The following NAA15 variants were observed in gnomAD, a reference collection of about 807,000 sequenced individuals.
NAA15 encodes the protein N-alpha-acetyltransferase 15, NatA auxiliary subunit, also known as N-terminal acetyltransferase.
A neutral mutation model predicts 114.0 loss-of-function variants in NAA15; 34 were observed. The ratio of observed to expected loss-of-function variants is 0.30; its 90% CI spans 0.23 to 0.40. The LOEUF is 0.40. NAA15 is among the 10% of genes least tolerant of loss of function. The pLI is 1.00. For synonymous variants in NAA15, 340 were observed against 338.0 expected, an observed-to-expected ratio of 1.01 and a Z score of -0.06; for missense variants, 658 against 1,004.5, an observed-to-expected ratio of 0.66 and a Z score of 4.66.
intron 17 of NAA15, among the ~76,000 whole-genome samples, chr4:139,380,120 A>G (rs192671092): frequency 3.9e-5 from 6 of 152,360 alleles, no homozygotes; most frequent in African/African-American, 1.2e-4. Flanking sequence ...TCCAAAAACT[A>G]ATTTGTGTTA....
chr4:139,386,987 A>G (rs987428131), intron 19 of NAA15, among the ~76,000 whole-genome samples: 3 of 152,352 alleles, frequency 2.0e-5, no homozygotes, highest in Non-Finnish European at 4.4e-5. Flanking sequence ...ATAATTTGCC[A>G]GATAAACATG....
chr4:139,342,479 G>GTTTTTTTTTTT (rs11402847), intron 4 of NAA15, among the ~76,000 whole-genome samples: 1 of 125,550 alleles, frequency 8.0e-6, no homozygotes. Flanking sequence ...ATTAATGTGT[G>GTTTTTTTTTTT]TTTTTTTTTT....
At chr4:139,354,842 A>G (rs1747892484) in intron 10 of NAA15, among the ~76,000 whole-genome samples, 1 of 152,196 alleles carries the variant, frequency 6.6e-6, no homozygotes. Flanking sequence ...GACTTAACCT[A>G]AAACATAACC....
rs115336716 is a variant in NAA15, at chr4:139,371,401, A to G, written c.1947+997A>G. On this transcript the variant is annotated intron_variant, in intron 15 of 19. Transcript: ENST00000296543. ...ATCTAGGAGTTCAAGGCTGCAGTAC[A>G]CTGTGAGCTATGATCATGCCTGTGA... Among the ~76,000 whole-genome samples, 950 of 151,336 alleles carry G rather than the reference A, an allele frequency of 6.3e-3. 7 individuals are homozygous for G. The highest frequency in any genetic ancestry group is 0.022 in the African/African-American group (917 of 41,238).
intron 15 of NAA15, among the ~76,000 whole-genome samples, chr4:139,374,842 C>A (rs1008258537): frequency 6.6e-6 from 1 of 152,138 alleles, no homozygotes; most frequent in African/African-American, 2.4e-5. Flanking sequence ...GGAATATGTT[C>A]TTGTTTATTA....
chr4:139,311,844 A>T (rs1000886747), intron 1 of NAA15, among the ~76,000 whole-genome samples: 5 of 151,870 alleles, frequency 3.3e-5, no homozygotes, highest in Non-Finnish European at 7.4e-5. Flanking sequence ...CATGCCAGTT[A>T]CTCAGGAGTC....
chr4:139,321,309 TA>T (rs957607348), intron 1 of NAA15, among the ~76,000 whole-genome samples: 54 of 151,976 alleles, frequency 3.6e-4, no homozygotes, highest in Non-Finnish European at 4.4e-4. Flanking sequence ...TGTTTCTTCT[TA>T]AAAAAAATTT....
intron 17 of NAA15, among the ~76,000 whole-genome samples, chr4:139,383,217 T>A (rs1316005854): frequency 6.6e-6 from 1 of 152,206 alleles, no homozygotes; most frequent in Non-Finnish European, 1.5e-5. Flanking sequence ...ATTAGCACTT[T>A]TACACAGTAG....
At chr4:139,365,102 A>G (rs1748240954) in intron 14 of NAA15, among the ~76,000 whole-genome samples, 2 of 152,134 alleles carry the variant, frequency 1.3e-5, no homozygotes, top group Admixed American at 6.5e-5. Flanking sequence ...CAATGGTACA[A>G]TCTTGGCTCA....
chr4:139,360,615 A>G lies in NAA15; in HGVS notation c.1526A>G (p.His509Arg). 6.2e-7 allele frequency: 1 copy of G among 1,606,832 alleles called. No individual in the cohort carries two copies. The highest frequency in any genetic ancestry group is 8.5e-7 in the Non-Finnish European group (1 of 1,176,656). Residue 509 changes from histidine to arginine, a missense_variant, in exon 13 of 20, where the codon CAT becomes CGT. Coordinates refer to ENST00000296543, the MANE Select transcript of NAA15 (RefSeq NM_057175.5). ...TTTGGTGAAGCACTTAAGAAATGTC[A>G]TGAGATTGAGAGAGTAAGTACCTTC... ...NKFGEALKKC[H>R]EIERHFIEIT...
At chr4:139,367,660 A>G (rs930521064) in intron 14 of NAA15, among the ~76,000 whole-genome samples, 3 of 152,204 alleles carry the variant, frequency 2.0e-5, no homozygotes, top group African/African-American at 7.2e-5. Context: ...AGGCACCACC[A>G]TATTCTGAGT....
At chr4:139,360,757 T>C in intron 13 of NAA15, 129 bp downstream of exon 13, 1 of 762,268 alleles carries the variant, frequency 1.3e-6, no homozygotes, top group Non-Finnish European at 1.9e-6. Context: ...GTATTCACTT[T>C]TTTCAGTTTT....
chr4:139,361,999 T>G (rs900050490), intron 14 of NAA15, 62 bp downstream of exon 14: 5 of 1,228,828 alleles, frequency 4.1e-6, no homozygotes, highest in Non-Finnish European at 4.6e-6. Context: ...GTGTATTATG[T>G]TTTTCATTTA....
At chr4:139,335,673 T>C (rs1279202758) in intron 2 of NAA15, among the ~76,000 whole-genome samples, 1 of 152,070 alleles carries the variant, frequency 6.6e-6, no homozygotes, top group Non-Finnish European at 1.5e-5. Flanking sequence ...TATTTCACTG[T>C]TTCTAAAATG....
chr4:139,356,957 T>C (rs1300902977), intron 10 of NAA15, among the ~76,000 whole-genome samples: 1 of 150,766 alleles, frequency 6.6e-6, no homozygotes, highest in African/African-American at 2.4e-5. Context: ...TTTGGTGCAT[T>C]AGCTAGAAAC....
rs535406218 is a variant in NAA15, at chr4:139,337,965, C to T, written c.244+1013C>T. Among the ~76,000 whole-genome samples the T allele has an allele frequency of 3.3e-5, 5 of 152,338 alleles. No homozygotes were observed. The East Asian group carries it at 9.6e-4, about 29-fold the overall frequency. On this transcript the variant is annotated intron_variant, in intron 3 of 19. Coordinates refer to ENST00000296543, the MANE Select transcript of NAA15 (RefSeq NM_057175.5). ...ACAAGCAAAGGCTTAACTATTAAGA[C>T]TGTCATAGATAGATGTCTTTCCATC...
chr4:139,357,331 G>T, intron 10 of NAA15, 55 bp from the exon 11 acceptor site: 4 of 1,507,640 alleles, frequency 2.7e-6, no homozygotes, highest in Non-Finnish European at 3.7e-6. Context: ...ATTTTGGGGG[G>T]TGCTCTTAAT....
At chr4:139,338,794 G>C (rs1246065465) in intron 3 of NAA15, among the ~76,000 whole-genome samples, 1 of 151,198 alleles carries the variant, frequency 6.6e-6, no homozygotes, top group Non-Finnish European at 1.5e-5. Flanking sequence ...TGGCCTAAAA[G>C]TTGTTAGATT....
At chr4:139,362,198 A>G (rs1305431660) in intron 14 of NAA15, among the ~76,000 whole-genome samples, 1 of 152,258 alleles carries the variant, frequency 6.6e-6, no homozygotes, top group Non-Finnish European at 1.5e-5. Flanking sequence ...ACCCAAAATT[A>G]TAAATTGCTA....
Sources: gnomAD v4.1 joint callset for allele counts (sites outside exome capture counted in the v4.1 genomes callset) on GRCh38, gnomAD v4.1.1 for gene constraint, MANE v1.5 for transcripts, NCBI Gene and HGNC (gene_info 2026-07-23, HGNC 2026-07-21) for gene names.